Variants in PTPN18 observed in about 807,000 individuals in gnomAD.
The protein encoded by PTPN18 is tyrosine-protein phosphatase non-receptor type 18.
PTPN18 carries 65 observed loss-of-function variants against 65.4 expected under a neutral mutation model. The observed-to-expected ratio is 0.99, with a 90% CI of 0.81 to 1.22. The LOEUF (loss-of-function observed/expected upper bound fraction) is 1.22, where lower values mean the gene tolerates loss of function less well. Among genes scored for constraint, PTPN18 ranks in the 50% most tolerant of loss-of-function variants. The pLI, the probability that PTPN18 is intolerant of heterozygous loss-of-function variation, is 0.00. For missense variants in PTPN18, 616 were observed against 646.5 expected, an observed-to-expected ratio of 0.95 and a Z score of 0.51; for synonymous variants, 255 against 267.8, an observed-to-expected ratio of 0.95 and a Z score of 0.47.
intron 6 of PTPN18, 56 bp downstream of exon 6, chr2:130,369,257 G>A: frequency 6.6e-7 from 1 of 1,510,604 alleles, no homozygotes; most frequent in Non-Finnish European, 9.2e-7. Flanking sequence ...TTTGGGTTGG[G>A]CCTAAAAGGT....
intron 5 of PTPN18, among the ~76,000 whole-genome samples, chr2:130,365,938 T>C (rs1356159185): frequency 3.3e-5 from 5 of 152,248 alleles, no homozygotes; most frequent in African/African-American, 1.2e-4. Context: ...TGTTTATCCT[T>C]GTGCCAGTGT....
In PTPN18 at chr2:130,359,608, G is replaced by T. The variant is rs1045311735; in HGVS notation, c.376G>T (p.Val126Leu). The T allele has an allele frequency of 6.2e-7, 1 of 1,613,966 alleles. No homozygotes were observed. Among genetic ancestry groups the T allele is most frequent in the African/African-American group, 1.3e-5 (1 of 74,876 alleles). Residue 126 changes from valine to leucine, a missense_variant and splice_region_variant, in exon 5 of 15, where the codon GTG (valine) becomes TTG (leucine). Around this residue, in one of 3 missense-constraint regions of PTPN18, gnomAD observed 223 missense variants for 210.0 expected, o/e 1.06. Coordinates refer to ENST00000175756, the MANE Select transcript of PTPN18 (RefSeq NM_014369.4). Reference protein sequence around the residue: ...WRLVWEFGVKVILMACREIEN... With the variant: ...WRLVWEFGVKLILMACREIEN... ...CTCTCCCCTGACCCTCCTTGTCTAG[G>T]TGATCCTGATGGCCTGTCGAGAGAT...
Position 130,359,493 on chromosome 2 carries a change from G to T in PTPN18, c.375+1G>T. On this transcript the variant is annotated splice_donor_variant, in intron 4 of 14. Transcript: ENST00000175756. LOFTEE classifies it high-confidence loss of function. The stretch of plus-strand genomic sequence containing the variant: ...ACTGGTCTGGGAGTTTGGGGTCAAG[G>T]TCAGCACTTGGGGGTGCGGCACAAT... 1 of 1,614,112 alleles carries T rather than the reference G, an allele frequency of 6.2e-7. No homozygotes were observed. Among genetic ancestry groups the T allele is most frequent in the South Asian group, 1.1e-5 (1 of 91,080 alleles).
At position 130,358,963 on chromosome 2, in the gene PTPN18, G is replaced by A. The variant is rs1268180844; in HGVS notation, c.190G>A (p.Asp64Asn). ...GAACGTGAGGAAGAACCGCTACAAA[G>A]ACGTGCTGCCTTGTAAGTCGGGGCT... Reference protein sequence around the residue: ...PENVRKNRYKDVLPYDQTRVI... With the variant: ...PENVRKNRYKNVLPYDQTRVI... Residue 64 changes from aspartate to asparagine, a missense_variant, in exon 2 of 15, where the codon GAC becomes AAC. Coordinates refer to ENST00000175756, the MANE Select transcript of PTPN18 (RefSeq NM_014369.4). 6.2e-7 allele frequency: 1 copy of A among 1,613,958 alleles called. No homozygotes were observed. Among genetic ancestry groups the A allele is most frequent in the Admixed American group, 1.7e-5 (1 of 60,006 alleles).
chr2:130,368,925 T>C, intron 5 of PTPN18: 1 of 515,110 alleles, frequency 1.9e-6, no homozygotes. Flanking sequence ...CTGGACTGTA[T>C]TTCCCCTGCA....
At position 130,359,248 on chromosome 2, in the gene PTPN18, T is replaced by TAATC. The variant is rs866716049; in HGVS notation, c.219_222dup (p.Leu75AsnfsTer15). On this transcript the variant is annotated frameshift_variant, in exon 3 of 15. Transcript: ENST00000175756. LOFTEE classifies it high-confidence loss of function. ...CTGCTGACAGATGATCAGACGCGAG[T>TAATC]AATCCTCTCCCTGCTCCAGGAAGAG... is the stretch of plus-strand genomic sequence containing the variant. The TAATC allele has an allele frequency of 3.7e-5, 59 of 1,613,956 alleles. No homozygotes were observed. Among genetic ancestry groups the TAATC allele is most frequent in the Non-Finnish European group, 4.9e-5 (58 of 1,180,034 alleles).
intron 5 of PTPN18, among the ~76,000 whole-genome samples, chr2:130,361,531 T>TTCC (rs1491437509): frequency 2.8e-5 from 4 of 143,116 alleles, no homozygotes; most frequent in African/African-American, 8.2e-5. Context: ...TCTTTCTTTC[T>TTCC]TTCTTTCTTT....
In PTPN18 at chr2:130,370,107, C is replaced by T. The variant is rs534639381; in HGVS notation, c.606C>T (p.Ser202=). 4.3e-6 allele frequency: 7 copies of T among 1,614,178 alleles called. No individual in the cohort carries two copies. In the South Asian group the frequency reaches 7.7e-5, roughly 18 times the overall value. Residue 202 remains serine, a synonymous_variant, in exon 8 of 15, where the codon AGC becomes AGT. Transcript: ENST00000175756. Reference sequence around the variant, plus strand: ...CCTGGCCAGACCGTGGGGTCCCCAGCAGTCCTGACCACATGCTCGCCATGG... The same window carrying T: ...CCTGGCCAGACCGTGGGGTCCCCAGTAGTCCTGACCACATGCTCGCCATGG... ...YMSWPDRGVP[S]SPDHMLAMVE...
At position 130,359,255 on chromosome 2, in the gene PTPN18, C is replaced by T; in HGVS notation, c.225C>T (p.Leu75=). 1 of 1,614,170 alleles carries T rather than the reference C, an allele frequency of 6.2e-7. No homozygotes were observed. The highest frequency in any genetic ancestry group is 8.5e-7 in the Non-Finnish European group (1 of 1,180,052). The change falls in exon 3 of 15, where the codon CTC becomes CTT. Residue 75 remains leucine, a synonymous_variant. Transcript: ENST00000175756. ...CAGATGATCAGACGCGAGTAATCCT[C>T]TCCCTGCTCCAGGAAGAGGGACACA... is the stretch of plus-strand genomic sequence containing the variant. ...VLPYDQTRVI[L]SLLQEEGHSD... is the part of the protein sequence containing the mutation.
chr2:130,361,554 CTTT>C (rs760255459), intron 5 of PTPN18, among the ~76,000 whole-genome samples: 13 of 107,324 alleles, frequency 1.2e-4, no homozygotes, highest in South Asian at 9.3e-4. Context: ...TTCTTTCTTT[CTTT>C]CTTTCTTTCC....
intron 5 of PTPN18, among the ~76,000 whole-genome samples, chr2:130,361,548 T>TTC (rs1311826348): frequency 7.5e-5 from 11 of 146,716 alleles, no homozygotes; most frequent in African/African-American, 2.6e-4. Context: ...CTTTCTTTCT[T>TTC]TCTTTCTTTC....
rs927878757 is a variant in PTPN18, at chr2:130,369,845, G to A, written c.546+18G>A. On this transcript the variant is annotated intron_variant, in intron 7 of 14. Coordinates refer to ENST00000175756, the MANE Select transcript of PTPN18 (RefSeq NM_014369.4). ...TCCAGAAGGTACTGTGACAGGGGAGGAGGAGGTAAAGGGGCTCCTGAAAGG... is the reference window on the plus strand; with the variant it reads ...TCCAGAAGGTACTGTGACAGGGGAGAAGGAGGTAAAGGGGCTCCTGAAAGG... The A allele has an allele frequency of 1.3e-6, 2 of 1,581,902 alleles. No individual in the cohort carries two copies. The highest frequency in any genetic ancestry group is 1.7e-6 in the Non-Finnish European group (2 of 1,151,384).
At position 130,375,397 on chromosome 2, in the gene PTPN18, T is replaced by C. The variant is rs1680715705; in HGVS notation, c.*2173T>C. 2 of 152,320 alleles carry C rather than the reference T, an allele frequency of 1.3e-5. 1 individual carries two copies. Among genetic ancestry groups the C allele is most frequent in the South Asian group, 4.1e-4 (2 of 4,830 alleles). The allele number at this position is 152,320 out of a possible 1,614,324, so 9.4% of individuals were successfully genotyped here. The stretch of plus-strand genomic sequence containing the variant: ...TTCACTGTGAGTAATAAACTGTCCA[T>C]TTCTCCGATTCAGAGGTCTGTTTTT... On this transcript the variant is annotated 3_prime_UTR_variant, in exon 15 of 15. Transcript: ENST00000175756.
chr2:130,371,143 T>G, intron 11 of PTPN18, 56 bp from the exon 12 acceptor site: 1 of 1,491,198 alleles, frequency 6.7e-7, no homozygotes, highest in Non-Finnish European at 9.2e-7. Flanking sequence ...CCAGAGCCCC[T>G]TGAGAGGCCT....
chr2:130,360,883 G>A lies in PTPN18; in HGVS notation c.414+1237G>A, dbSNP rs1326442918. On this transcript the variant is annotated intron_variant, in intron 5 of 14. Coordinates refer to ENST00000175756, the MANE Select transcript of PTPN18 (RefSeq NM_014369.4). ...GTCTTGCTCTGTTGCCCAGACTGGA[G>A]TGCAGTGGTGCAATCTTAGCTCACT... Among the ~76,000 whole-genome samples, 6 of 150,772 alleles carry A rather than the reference G, an allele frequency of 4.0e-5. No individual in the cohort carries two copies. In the East Asian group the frequency reaches 1.2e-3, roughly 29 times the overall value.
chr2:130,367,499 C>T (rs1162618109), intron 5 of PTPN18, among the ~76,000 whole-genome samples: 1 of 151,902 alleles, frequency 6.6e-6, no homozygotes, highest in Non-Finnish European at 1.5e-5. Context: ...CCTGGTGAAA[C>T]CCTGTCTCTA....
chr2:130,359,141 G>A, intron 2 of PTPN18, 92 bp from the exon 3 acceptor site: 1 of 1,520,518 alleles, frequency 6.6e-7, no homozygotes, highest in Non-Finnish European at 9.1e-7. Context: ...GCATGTGTGT[G>A]GTCCCCTGCT....
chr2:130,357,592 C>T (rs967130366), intron 1 of PTPN18, among the ~76,000 whole-genome samples: 1 of 152,188 alleles, frequency 6.6e-6, no homozygotes, highest in African/African-American at 2.4e-5. Flanking sequence ...CACGGTGGCT[C>T]ACGCCTATAA....
chr2:130,358,869 C>T lies in PTPN18; in HGVS notation c.96C>T (p.Asp32=), dbSNP rs770052408. The T allele has an allele frequency of 1.9e-6, 3 of 1,610,702 alleles. No individual in the cohort carries two copies. Among genetic ancestry groups the T allele is most frequent in the South Asian group, 1.1e-5 (1 of 90,902 alleles). ...ACCCACTCATAATGCTCTACCAGGA[C>T]ATCCAGGCCTGCTCGGCCGCCTGGA... The part of the protein sequence containing the change: ...EGAVLAGEFS[D]IQACSAAWKA... Residue 32 remains aspartate (D), a splice_region_variant and synonymous_variant, in exon 2 of 15, where the codon GAC becomes GAT. Transcript: ENST00000175756.
Sources: gnomAD v4.1 joint callset for allele counts (sites outside exome capture counted in the v4.1 genomes callset) on GRCh38, gnomAD v4.1.1 for gene constraint, gnomAD v4.1.1 regional missense constraint, MANE v1.5 for transcripts, NCBI Gene and HGNC (gene_info 2026-07-23, HGNC 2026-07-21) for gene names.